The following SHISAL1 variants were observed in gnomAD, a reference collection of about 807,000 sequenced individuals.
SHISAL1 encodes the protein protein shisa-like-1.
SHISAL1 carries 9 observed loss-of-function variants against 22.6 expected under a neutral mutation model. That is an observed-to-expected ratio of 0.40 (90% CI 0.24 to 0.70). The LOEUF (loss-of-function observed/expected upper bound fraction) is 0.70, where lower values mean the gene tolerates loss of function less well. Ranked by LOEUF, SHISAL1 falls within the 30% of genes least tolerant of loss-of-function variation. SHISAL1 has a pLI of 0.39. For missense variants in SHISAL1, 246 were observed against 270.6 expected, an observed-to-expected ratio of 0.91 and a Z score of 0.64; for synonymous variants, 119 against 115.4, an observed-to-expected ratio of 1.03 and a Z score of -0.20.
At chr22:44,289,496 T>TGTGTG (rs768987294) in intron 3 of SHISAL1, among the ~76,000 whole-genome samples, 1,431 of 137,854 alleles carry the variant, frequency 0.01, 24 homozygotes, top group African/African-American at 0.032. Context: ...GTGTGTGTGT[T>TGTGTG]TACTGCCGGG....
chr22:44,289,022 G>A (rs1174833431), intron 3 of SHISAL1, among the ~76,000 whole-genome samples: 1 of 152,224 alleles, frequency 6.6e-6, no homozygotes, highest in African/African-American at 2.4e-5. Context: ...CTGAGAATGG[G>A]CTGGTGACAG....
intron 3 of SHISAL1, among the ~76,000 whole-genome samples, chr22:44,287,050 C>T (rs1473290575): frequency 2.0e-5 from 3 of 149,128 alleles, no homozygotes; most frequent in African/African-American, 7.4e-5. Context: ...GCAGCAGATC[C>T]TTTAAGACCC....
the SHISAL1 span, among the ~76,000 whole-genome samples, chr22:44,320,859 C>G: frequency 6.6e-6 from 1 of 152,224 alleles, no homozygotes; most frequent in East Asian, 1.9e-4. Context: ...AACTAGCCAG[C>G]ACTGTGGGGC....
At chr22:44,272,522 G>A (rs2055212161) in intron 4 of SHISAL1, among the ~76,000 whole-genome samples, 1 of 152,222 alleles carries the variant, frequency 6.6e-6, no homozygotes, top group Non-Finnish European at 1.5e-5. Context: ...TGTCTGGGCT[G>A]CATCCATGCA....
Position 44,296,731 on chromosome 22 carries a change from C to T in SHISAL1, c.222G>A (p.Thr74=), listed in dbSNP as rs376714505. The T allele has an allele frequency of 9.3e-6, 15 of 1,613,990 alleles. No homozygotes were observed. The highest frequency in any genetic ancestry group is 5.5e-5 in the South Asian group (5 of 91,082). The change falls in exon 3 of 5, where the codon ACG becomes ACA. Residue 74 remains threonine, a synonymous_variant. Transcript: ENST00000381176. The stretch of plus-strand genomic sequence containing the variant: ...TCGCCTGCATCACCGCCTGGAACTC[C>T]GTCTCGTTGCAGCAGTATTTGAAGA... The part of the protein sequence containing the change: ...NTVFKYCCNE[T]EFQAVMQANL...
At chr22:44,280,636 G>A (rs1183620366) in intron 4 of SHISAL1, among the ~76,000 whole-genome samples, 1 of 152,152 alleles carries the variant, frequency 6.6e-6, no homozygotes, top group Non-Finnish European at 1.5e-5. Flanking sequence ...AGCAGGCTAG[G>A]AGGCAGCCGA....
At chr22:44,275,703 C>T (rs964584032) in intron 4 of SHISAL1, among the ~76,000 whole-genome samples, 1 of 152,186 alleles carries the variant, frequency 6.6e-6, no homozygotes, top group Non-Finnish European at 1.5e-5. Flanking sequence ...GACCCAGCTG[C>T]CGTGCAGTTC....
rs143482791 is a variant in SHISAL1, at chr22:44,246,156, G to A, written c.*3529C>T. The A allele has an allele frequency of 4.1e-4, 62 of 152,360 alleles. No homozygotes were observed. Among genetic ancestry groups the A allele is most frequent in the African/African-American group, 1.3e-3 (55 of 41,572 alleles). 9.4% of individuals were successfully genotyped at this position (152,360 alleles called of 1,614,324 possible). ...GTTCAGAGGCTAACTTGAGGGCAGC[G>A]AGCCAGCAGGCATTACCAGCTATTG... On this transcript the variant is annotated 3_prime_UTR_variant, in exon 5 of 5. Coordinates refer to ENST00000381176, the MANE Select transcript of SHISAL1 (RefSeq NM_001099294.2).
At chr22:44,257,624 G>C (rs368517933) in intron 4 of SHISAL1, among the ~76,000 whole-genome samples, 4 of 152,162 alleles carry the variant, frequency 2.6e-5, no homozygotes, top group Non-Finnish European at 5.9e-5. Flanking sequence ...AACAAAATTT[G>C]TAAGACAGTG....
chr22:44,270,742 C>T lies in SHISAL1; in HGVS notation c.599+14686G>A, dbSNP rs577728857. Among the ~76,000 whole-genome samples the T allele has an allele frequency of 3.3e-5, 5 of 152,272 alleles. No individual in the cohort carries two copies. The East Asian group carries it at 9.7e-4, about 29-fold the overall frequency. On this transcript the variant is annotated intron_variant, in intron 4 of 4. Transcript: ENST00000381176. ...AGGACGCTGGGGGCCCTGGTGCACCCCTGCAGCTGTGCTTCCCTGGCTCTG... is the reference window on the plus strand; with the variant it reads ...AGGACGCTGGGGGCCCTGGTGCACCTCTGCAGCTGTGCTTCCCTGGCTCTG...
At chr22:44,318,515 C>G in the SHISAL1 span, among the ~76,000 whole-genome samples, 32 of 152,264 alleles carry the variant, frequency 2.1e-4, no homozygotes, top group Admixed American at 7.8e-4. Context: ...TGCAGGCTGG[C>G]CTGGGGGAGG....
At chr22:44,253,677 T>A (rs1011607679) in intron 4 of SHISAL1, among the ~76,000 whole-genome samples, 12 of 151,314 alleles carry the variant, frequency 7.9e-5, no homozygotes, top group African/African-American at 1.2e-4. Context: ...CCTGACCACA[T>A]GTGATCTGCC....
chr22:44,276,889 A>C (rs2055243772), intron 4 of SHISAL1, among the ~76,000 whole-genome samples: 1 of 152,154 alleles, frequency 6.6e-6, no homozygotes, highest in Non-Finnish European at 1.5e-5. Flanking sequence ...GATCAGGCAG[A>C]TGATGAACGA....
At chr22:44,269,333 C>T (rs2055188895) in intron 4 of SHISAL1, among the ~76,000 whole-genome samples, 1 of 150,336 alleles carries the variant, frequency 6.7e-6, no homozygotes, top group African/African-American at 2.5e-5. Context: ...ACAATATACA[C>T]ATACACACAC....
At chr22:44,309,024 C>A (rs1369787946) in intron 1 of SHISAL1, among the ~76,000 whole-genome samples, 1 of 152,194 alleles carries the variant, frequency 6.6e-6, no homozygotes, top group African/African-American at 2.4e-5. Context: ...TGGTCCTGCC[C>A]GTGGGCATCC....
At chr22:44,324,148 T>A in the SHISAL1 span, among the ~76,000 whole-genome samples, 80 of 152,284 alleles carry the variant, frequency 5.3e-4, no homozygotes, top group African/African-American at 1.9e-3. Flanking sequence ...AATCCCCGCC[T>A]CAAATCCTCA....
intron 4 of SHISAL1, among the ~76,000 whole-genome samples, chr22:44,262,145 T>C (rs755398908): frequency 2.6e-5 from 4 of 152,028 alleles, no homozygotes; most frequent in Non-Finnish European, 4.4e-5. Flanking sequence ...AGGGTGGGAA[T>C]TGGGGGAAAA....
chr22:44,297,959 C>T (rs989587757), intron 2 of SHISAL1, among the ~76,000 whole-genome samples: 1 of 152,218 alleles, frequency 6.6e-6, no homozygotes, highest in Non-Finnish European at 1.5e-5. Flanking sequence ...CCACCCGGGG[C>T]TGCTGCAGGG....
chr22:44,327,240 G>GCA, the SHISAL1 span, among the ~76,000 whole-genome samples: 11,098 of 144,670 alleles, frequency 0.077, 455 homozygotes, highest in Middle Eastern at 0.13. Flanking sequence ...TGGGGGGCGC[G>GCA]CACACACACA....
Sources: allele counts gnomAD v4.1 joint callset (sites outside exome capture counted in the v4.1 genomes callset), GRCh38; gene constraint gnomAD v4.1.1; transcripts MANE v1.5; gene names NCBI Gene and HGNC (gene_info 2026-07-23, HGNC 2026-07-21).